The following KIAA1217 variants were observed in gnomAD, a reference collection of about 807,000 sequenced individuals.
KIAA1217 encodes the protein sickle tail protein homolog.
KIAA1217 carries 88 observed loss-of-function variants against 163.9 expected under a neutral mutation model. That is an observed-to-expected ratio of 0.54 (90% CI 0.45 to 0.64). The LOEUF is 0.64. Among genes scored for constraint, KIAA1217 ranks in the 30% least tolerant of loss-of-function variants. The probability of loss-of-function intolerance (pLI) is 0.00; values close to 1 mark genes in which losing one functional copy is unlikely to be tolerated. For synonymous variants in KIAA1217, 903 were observed against 923.1 expected, an observed-to-expected ratio of 0.98 and a Z score of 0.39; for missense variants, 2,372 against 2,475.0, an observed-to-expected ratio of 0.96 and a Z score of 0.88.
intron 1 of KIAA1217, among the ~76,000 whole-genome samples, chr10:24,215,300 C>G (rs903296480): frequency 2.6e-5 from 4 of 152,090 alleles, no homozygotes; most frequent in Admixed American, 2.0e-4. Context: ...CTGGGAGGGG[C>G]AGGAAAGGGA....
chr10:24,416,712 C>T (rs1053238838), intron 3 of KIAA1217, among the ~76,000 whole-genome samples: 4 of 152,144 alleles, frequency 2.6e-5, no homozygotes, highest in Non-Finnish European at 5.9e-5. Flanking sequence ...CCCCCACATC[C>T]CAGCCTGCAG....
chr10:24,123,467 G>A (rs983067818), intron 2 of KIAA1217, among the ~76,000 whole-genome samples: 12 of 152,032 alleles, frequency 7.9e-5, no homozygotes, highest in Non-Finnish European at 1.5e-4. Context: ...CCTTGTACAC[G>A]TCTTTTATGT....
chr10:24,473,616 G>A lies in KIAA1217; in HGVS notation c.1235G>A (p.Gly412Glu). ...GRMSIASSHG[G>E]HPLDVPDHII... is the part of the protein sequence containing the mutation. ...ATGAGCATAGCCTCATCCCATGGTGGACACCCACTGGATGTCCCCGACCAC... is the reference window on the plus strand; with the variant it reads ...ATGAGCATAGCCTCATCCCATGGTGAACACCCACTGGATGTCCCCGACCAC... Residue 412 changes from glycine to glutamate, a missense_variant, in exon 6 of 21, where the codon GGA (glycine) becomes GAA (glutamate). Physicochemically the swap from Gly to Glu is moderately conservative, Grantham distance 98. Coordinates refer to ENST00000376454, the MANE Select transcript of KIAA1217 (RefSeq NM_019590.5). 2 of 1,614,124 alleles carry A rather than the reference G, an allele frequency of 1.2e-6. No homozygotes were observed. The highest frequency in any genetic ancestry group is 1.7e-5 in the Admixed American group (1 of 60,012).
At chr10:23,786,339 G>A (rs1443876130) in intron 1 of KIAA1217, among the ~76,000 whole-genome samples, 1 of 152,068 alleles carries the variant, frequency 6.6e-6, no homozygotes, top group African/African-American at 2.4e-5. Flanking sequence ...CATGAGGAAA[G>A]GAGAGTGAAT....
intron 5 of KIAA1217, among the ~76,000 whole-genome samples, chr10:24,462,136 A>T (rs1033402650): frequency 6.6e-6 from 1 of 151,560 alleles, no homozygotes; most frequent in Non-Finnish European, 1.5e-5. Flanking sequence ...TATAATATCG[A>T]TAGGTATATA....
At chr10:23,831,382 C>T (rs1173245324) in intron 1 of KIAA1217, among the ~76,000 whole-genome samples, 1 of 151,524 alleles carries the variant, frequency 6.6e-6, no homozygotes, top group African/African-American at 2.4e-5. Context: ...GCAAATGAAC[C>T]ATACATCCAA....
intron 2 of KIAA1217, among the ~76,000 whole-genome samples, chr10:24,123,569 A>G (rs2131784784): frequency 6.6e-6 from 1 of 152,294 alleles, no homozygotes; most frequent in African/African-American, 2.4e-5. Flanking sequence ...ATTGCTCTAC[A>G]AACTATACTG....
chr10:23,953,940 T>C (rs913408632), intron 1 of KIAA1217, among the ~76,000 whole-genome samples: 1 of 152,230 alleles, frequency 6.6e-6, no homozygotes, highest in Non-Finnish European at 1.5e-5. Context: ...GAAAAAGTTA[T>C]ACATCTTACA....
intron 2 of KIAA1217, among the ~76,000 whole-genome samples, chr10:24,105,542 A>T (rs894911815): frequency 5.3e-5 from 8 of 152,198 alleles, no homozygotes; most frequent in African/African-American, 1.7e-4. Context: ...AACCAGTGGT[A>T]TCTGTTCTCA....
intron 1 of KIAA1217, among the ~76,000 whole-genome samples, chr10:23,952,443 G>A (rs1163051376): frequency 6.6e-6 from 1 of 152,120 alleles, no homozygotes; most frequent in African/African-American, 2.4e-5. Flanking sequence ...AACATGGGGG[G>A]CTATAATAAG....
At chr10:23,707,214 G>A (rs925051714) in intron 1 of KIAA1217, among the ~76,000 whole-genome samples, 2 of 152,134 alleles carry the variant, frequency 1.3e-5, no homozygotes, top group African/African-American at 4.8e-5. Flanking sequence ...TGCTGTGAGA[G>A]CATATAATAT....
chr10:23,899,189 G>C (rs1262188344), intron 1 of KIAA1217, among the ~76,000 whole-genome samples: 1 of 152,070 alleles, frequency 6.6e-6, no homozygotes, highest in Non-Finnish European at 1.5e-5. Context: ...TTTTTCTAAA[G>C]CATAAACCTA....
intron 2 of KIAA1217, among the ~76,000 whole-genome samples, chr10:24,231,658 G>C (rs1034892023): frequency 2.6e-5 from 4 of 151,980 alleles, no homozygotes; most frequent in Non-Finnish European, 5.9e-5. Flanking sequence ...ATTTGGATAT[G>C]ATGAAAAACA....
chr10:23,896,867 T>C (rs78906082), intron 1 of KIAA1217, among the ~76,000 whole-genome samples: 2,961 of 152,142 alleles, frequency 0.019, 102 homozygotes, highest in African/African-American at 0.065. Flanking sequence ...AATGAACCTT[T>C]GATTAAGGGT....
At chr10:24,101,640 C>T (rs1214902955) in intron 2 of KIAA1217, among the ~76,000 whole-genome samples, 3 of 152,008 alleles carry the variant, frequency 2.0e-5, no homozygotes, top group Admixed American at 6.6e-5. Context: ...TCAATGATTT[C>T]GATATACTGA....
chr10:24,087,908 CTGTG>C (rs2061759381), intron 2 of KIAA1217, among the ~76,000 whole-genome samples: 2 of 132,150 alleles, frequency 1.5e-5, no homozygotes, highest in South Asian at 2.4e-4. Context: ...CAGATCAGAG[CTGTG>C]GTGGCCTCCC....
intron 2 of KIAA1217, among the ~76,000 whole-genome samples, chr10:24,240,679 G>T (rs1407726332): frequency 1.3e-5 from 2 of 152,160 alleles, no homozygotes; most frequent in Non-Finnish European, 2.9e-5. Flanking sequence ...TAGCTGTGTT[G>T]TGAGGATTAA....
intron 2 of KIAA1217, among the ~76,000 whole-genome samples, chr10:24,337,590 TTTTTC>T (rs774132476): frequency 0.054 from 7,187 of 134,104 alleles, 308 homozygotes; most frequent in Non-Finnish European, 0.074. Context: ...TTGTGTGGTT[TTTTTC>T]TTTTCTTTTC....
rs772778015 is a variant in KIAA1217 at position 23,790,284 on chromosome 10, C to CATATAT, written c.-321+95051_-321+95052insTATATA. ...ATATGCATATGCACATATGCATATG[C>CATATAT]ACATATGCATATGCACATATGCATA... On this transcript the variant is annotated intron_variant, in intron 1 of 18. Transcript: ENST00000376462. Among the ~76,000 whole-genome samples, 12 of 5,230 alleles carry CATATAT rather than the reference C, an allele frequency of 2.3e-3. 5 individuals carry two copies. The highest frequency in any genetic ancestry group is 0.042 in the South Asian group (2 of 48). 3.4% of individuals were successfully genotyped at this position (5,230 alleles called of 152,430 possible).
Sources: gnomAD v4.1 joint callset for allele counts (sites outside exome capture counted in the v4.1 genomes callset) on GRCh38, gnomAD v4.1.1 for gene constraint, MANE v1.5 for transcripts, NCBI Gene and HGNC (gene_info 2026-07-23, HGNC 2026-07-21) for gene names.